Variants in DROSHA observed in about 807,000 individuals in gnomAD.
DROSHA encodes the protein ribonuclease 3.
In DROSHA, 56 loss-of-function variants were observed where a neutral mutation model predicts 181.9. That is an observed-to-expected ratio of 0.31 (90% confidence interval 0.25 to 0.38). The LOEUF is 0.38. Among genes scored for constraint, DROSHA ranks in the 10% least tolerant of loss-of-function variants. DROSHA has a pLI of 1.00. For missense variants in DROSHA, 1,218 were observed against 1,743.5 expected, an observed-to-expected ratio of 0.70 and a Z score of 5.37; for synonymous variants, 524 against 591.2, an observed-to-expected ratio of 0.89 and a Z score of 1.65.
chr5:31,465,852 A>G (rs1280793633), intron 19 of DROSHA, among the ~76,000 whole-genome samples: 2 of 152,124 alleles, frequency 1.3e-5, no homozygotes, highest in Admixed American at 1.3e-4. Context: ...AGGCCTCCCC[A>G]AAAGCCAAGC....
intron 24 of DROSHA, among the ~76,000 whole-genome samples, chr5:31,436,683 G>A (rs1250252136): frequency 2.0e-5 from 3 of 151,620 alleles, no homozygotes; most frequent in East Asian, 1.9e-4. Flanking sequence ...GTGAGCCACC[G>A]CGCCTAGCGT....
At chr5:31,511,440 C>T (rs1337595111) in intron 8 of DROSHA, among the ~76,000 whole-genome samples, 1 of 152,148 alleles carries the variant, frequency 6.6e-6, no homozygotes, top group Non-Finnish European at 1.5e-5. Flanking sequence ...CGTGCTGGCT[C>T]ACGCCTGTAA....
chr5:31,519,362 T>C (rs1739618163), intron 6 of DROSHA, among the ~76,000 whole-genome samples: 1 of 152,162 alleles, frequency 6.6e-6, no homozygotes, highest in South Asian at 2.1e-4. Flanking sequence ...ATCTAACCCA[T>C]GGCATTTCAT....
chr5:31,509,257 AT>A (rs1300328283), intron 9 of DROSHA, among the ~76,000 whole-genome samples: 1 of 152,156 alleles, frequency 6.6e-6, no homozygotes, highest in Non-Finnish European at 1.5e-5. Context: ...TAAAAAAAAA[AT>A]ATAGCCCATA....
At position 31,472,193 on chromosome 5, in the gene DROSHA, A is replaced by C; in HGVS notation, c.2111T>G (p.Leu704Arg). Residue 704 changes from leucine (L) to arginine (R), a missense_variant, in exon 17 of 36, where the codon CTG becomes CGG. Leu to Arg is a moderately radical substitution (Grantham distance 102). Around this residue, in one of 8 missense-constraint regions of DROSHA, gnomAD observed 460 missense variants for 774.2 expected, o/e 0.59. Transcript: ENST00000344624. ...KEVLSMHQIL[L>R]YLLRCSKALV... The stretch of plus-strand genomic sequence containing the variant: ...GGCTTTGCTGCACCTTAACAAGTAC[A>C]GGAGAATCTGGTGCATGGACAGCAC... 1 of 1,613,488 alleles carries C rather than the reference A, an allele frequency of 6.2e-7. No homozygotes were observed. The highest frequency in any genetic ancestry group is 2.2e-5 in the East Asian group (1 of 44,816).
chr5:31,518,864 C>A (rs1739560747), intron 6 of DROSHA, among the ~76,000 whole-genome samples: 1 of 152,210 alleles, frequency 6.6e-6, no homozygotes, highest in African/African-American at 2.4e-5. Context: ...AGGCAAAAGA[C>A]ATCCTCACCC....
rs775650623 is a variant in DROSHA at position 31,434,081 on chromosome 5, T to C, written c.3042+1684A>G. Among the ~76,000 whole-genome samples, 90 of 152,296 alleles carry C rather than the reference T, an allele frequency of 5.9e-4. 1 individual carries two copies. The highest frequency in any genetic ancestry group is 1.0e-3 in the Non-Finnish European group (68 of 68,014). On this transcript the variant is annotated intron_variant, in intron 25 of 35. Coordinates refer to ENST00000344624, the MANE Select transcript of DROSHA (RefSeq NM_001382508.1). ...CAATGGGTGTTGAGTACTATGGGAA[T>C]GGCAAGCCTTGGGCTTGGTGGAAGA...
At position 31,420,193 on chromosome 5, in the gene DROSHA, A is replaced by G. The variant is rs528502828; in HGVS notation, c.3525+1079T>C. ...AAAGATAAAATCCAATTCTATTCAA[A>G]GCAGAACACACATAAAAACTGTAGA... On this transcript the variant is annotated intron_variant, in intron 30 of 35. Coordinates refer to ENST00000344624, the MANE Select transcript of DROSHA (RefSeq NM_001382508.1). Among the ~76,000 whole-genome samples, 3 of 152,358 alleles carry G rather than the reference A, an allele frequency of 2.0e-5. No homozygotes were observed. In the East Asian group the frequency reaches 5.8e-4, roughly 29 times the overall value.
intron 9 of DROSHA, among the ~76,000 whole-genome samples, chr5:31,510,077 G>A (rs531212959): frequency 3.2e-5 from 4 of 124,274 alleles, no homozygotes; most frequent in Admixed American, 8.6e-5. Flanking sequence ...AGACCTAGAA[G>A]TTAGATTAAT....
intron 13 of DROSHA, among the ~76,000 whole-genome samples, chr5:31,489,679 T>C (rs1460766648): frequency 6.6e-6 from 1 of 151,260 alleles, no homozygotes; most frequent in Non-Finnish European, 1.5e-5. Context: ...GCAAAAAAAC[T>C]CAAAAAACTA....
At chr5:31,523,309 G>A (rs1377370760) in intron 5 of DROSHA, among the ~76,000 whole-genome samples, 5 of 152,280 alleles carry the variant, frequency 3.3e-5, no homozygotes, top group Admixed American at 6.5e-5. Flanking sequence ...AATAAAGCCC[G>A]TTTTAGAAAG....
intron 21 of DROSHA, 89 bp from the exon 22 acceptor site, chr5:31,449,508 A>G (rs1746708120): frequency 7.1e-7 from 1 of 1,401,794 alleles, no homozygotes; most frequent in Non-Finnish European, 9.6e-7. Context: ...TGGAGGGACC[A>G]CTTTAGCCCA....
chr5:31,472,832 C>T (rs1262624489), intron 16 of DROSHA, among the ~76,000 whole-genome samples: 1 of 152,264 alleles, frequency 6.6e-6, no homozygotes, highest in Admixed American at 6.5e-5. Context: ...AAACCAAGTG[C>T]TCTGAGGCCT....
At chr5:31,430,501 C>A (rs1377659056) in intron 26 of DROSHA, among the ~76,000 whole-genome samples, 1 of 152,132 alleles carries the variant, frequency 6.6e-6, no homozygotes, top group Non-Finnish European at 1.5e-5. Context: ...GACAACTCTG[C>A]AAGGTAAGTG....
chr5:31,425,784 G>A (rs1226171865), intron 27 of DROSHA, among the ~76,000 whole-genome samples: 1 of 152,106 alleles, frequency 6.6e-6, no homozygotes, highest in Non-Finnish European at 1.5e-5. Flanking sequence ...AGGCTTAGGA[G>A]TCAGGCTGCC....
intron 6 of DROSHA, among the ~76,000 whole-genome samples, chr5:31,520,127 G>A (rs10461898): frequency 0.37 from 56,275 of 151,702 alleles, 10,949 homozygotes; most frequent in East Asian, 0.78. Context: ...TCCATTTTTC[G>A]AGTTATTGAC....
chr5:31,420,732 A>G (rs1742560866), intron 30 of DROSHA, among the ~76,000 whole-genome samples: 2 of 152,124 alleles, frequency 1.3e-5, no homozygotes, highest in Non-Finnish European at 2.9e-5. Context: ...AACTATCTTT[A>G]AAGGCTCAAA....
chr5:31,507,709 G>A (rs1738157461), intron 10 of DROSHA, among the ~76,000 whole-genome samples: 1 of 152,124 alleles, frequency 6.6e-6, no homozygotes, highest in Non-Finnish European at 1.5e-5. Context: ...AGGGATAGTT[G>A]TGCAACCCCA....
In DROSHA at chr5:31,458,469, A is replaced by T. The variant is rs571548832; in HGVS notation, c.2574+5767T>A. Among the ~76,000 whole-genome samples, 29 of 152,338 alleles carry T rather than the reference A, an allele frequency of 1.9e-4. No homozygotes were observed. In the East Asian group the frequency reaches 1.9e-3, roughly 10 times the overall value. ...AAAGATCCTTTTCCAAAAGTATTTT[A>T]AGTAATAAATGAAGAAAGACAGAAT... On this transcript the variant is annotated intron_variant, in intron 20 of 35. Coordinates refer to ENST00000344624, the MANE Select transcript of DROSHA (RefSeq NM_001382508.1).
Sources: allele counts gnomAD v4.1 joint callset (sites outside exome capture counted in the v4.1 genomes callset), GRCh38; gene constraint gnomAD v4.1.1; regional missense constraint gnomAD v4.1.1; transcripts MANE v1.5; gene names NCBI Gene and HGNC (gene_info 2026-07-23, HGNC 2026-07-21).